ACAN: variants seen among roughly 807,000 people sequenced by gnomAD.
ACAN encodes the protein aggrecan, also known as aggrecan core protein.
ACAN carries 47 observed loss-of-function variants against 169.1 expected under a neutral mutation model. The observed-to-expected ratio is 0.28, with a 90% CI of 0.22 to 0.35. The LOEUF (loss-of-function observed/expected upper bound fraction) is 0.35. Ranked by LOEUF, ACAN falls within the 10% of genes least tolerant of loss-of-function variation. The pLI, the probability that ACAN is intolerant of heterozygous loss-of-function variation, is 1.00. For synonymous variants in ACAN, 1,115 were observed against 1,112.2 expected (o/e 1.00, Z -0.05); for missense variants, 2,716 against 2,759.9 (o/e 0.98, Z 0.36).
At position 88,841,728 on chromosome 15, in the gene ACAN, G is replaced by A. The variant is rs760527297; in HGVS notation, c.630-12G>A. On this transcript the variant is annotated splice_polypyrimidine_tract_variant and intron_variant, in intron 4 of 18. Coordinates refer to ENST00000560601, the MANE Select transcript of ACAN (RefSeq NM_001369268.1). ...CCCTGAGTGTCACACCTCCATTTCG[G>A]GTTCCTGGCAGATACCCCATCCACA... The A allele has an allele frequency of 3.3e-5, 53 of 1,613,630 alleles. 1 individual carries two copies. The South Asian group carries it at 5.6e-4, about 17-fold the overall frequency.
intron 1 of ACAN, among the ~76,000 whole-genome samples, chr15:88,806,183 A>T (rs1895677586): frequency 6.6e-6 from 1 of 152,218 alleles, no homozygotes; most frequent in Non-Finnish European, 1.5e-5. Flanking sequence ...AGATTAAAAG[A>T]CATAAAGTGG....
chr15:88,817,298 C>T (rs1436177154), intron 1 of ACAN, among the ~76,000 whole-genome samples: 5 of 152,022 alleles, frequency 3.3e-5, no homozygotes, highest in South Asian at 2.1e-4. Flanking sequence ...TGTGCCACCA[C>T]GCCCGACTAA....
chr15:88,828,698 C>T (rs1567170396), intron 1 of ACAN, among the ~76,000 whole-genome samples: 1 of 152,152 alleles, frequency 6.6e-6, no homozygotes, highest in Non-Finnish European at 1.5e-5. Flanking sequence ...CTTCTGTTCC[C>T]AGAAGTTAAA....
At chr15:88,840,609 GCAGTC>G (rs1286094448) in intron 4 of ACAN, among the ~76,000 whole-genome samples, 1 of 152,110 alleles carries the variant, frequency 6.6e-6, no homozygotes, top group Admixed American at 6.5e-5. Context: ...GAGGTGCAGA[GCAGTC>G]CAGATAGACC....
At chr15:88,837,109 C>T (rs1896523838) in intron 2 of ACAN, among the ~76,000 whole-genome samples, 1 of 152,342 alleles carries the variant, frequency 6.6e-6, no homozygotes, top group African/African-American at 2.4e-5. Context: ...GTCCATCCTC[C>T]TACGGGGACA....
rs538466091 is a variant in ACAN, at chr15:88,872,392, C to G, written c.7302+307C>G. On this transcript the variant is annotated intron_variant, in intron 16 of 18. Transcript: ENST00000560601. The surrounding 1 kb of genome is among the most constrained non-coding windows in gnomAD (Gnocchi z 5.4). Reference sequence around the variant, plus strand: ...TGCCCACACTGAACTCGAGTCTACTCAAGGAGACAGACAGAAAGCAACATA... The same window carrying G: ...TGCCCACACTGAACTCGAGTCTACTGAAGGAGACAGACAGAAAGCAACATA... Among the ~76,000 whole-genome samples the G allele has an allele frequency of 6.6e-6, 1 of 152,276 alleles. No homozygotes were observed. Among genetic ancestry groups the G allele is most frequent in the South Asian group, 2.1e-4 (1 of 4,828 alleles).
intron 1 of ACAN, among the ~76,000 whole-genome samples, chr15:88,810,287 G>A (rs1260433428): frequency 1.3e-5 from 2 of 152,030 alleles, no homozygotes; most frequent in East Asian, 1.9e-4. Flanking sequence ...GTTACCCATT[G>A]TCCACCCTTG....
intron 11 of ACAN, among the ~76,000 whole-genome samples, chr15:88,852,825 A>G (rs988664012): frequency 6.6e-6 from 1 of 152,198 alleles, no homozygotes; most frequent in South Asian, 2.1e-4. Context: ...ATTTAAAACA[A>G]TGTACAGTAG....
At chr15:88,818,080 A>T (rs1895987127) in intron 1 of ACAN, among the ~76,000 whole-genome samples, 2 of 152,184 alleles carry the variant, frequency 1.3e-5, no homozygotes, top group Non-Finnish European at 2.9e-5. Flanking sequence ...TTTCCAAGTA[A>T]GTAAACAGTT....
chr15:88,867,987 C>T (rs1243038668), intron 13 of ACAN, among the ~76,000 whole-genome samples: 1 of 152,210 alleles, frequency 6.6e-6, no homozygotes, highest in Admixed American at 6.5e-5. Context: ...TCCAAGTTTA[C>T]CAATCAAGAA....
chr15:88,840,211 G>A, intron 4 of ACAN, 25 bp downstream of exon 4: 7 of 1,560,444 alleles, frequency 4.5e-6, no homozygotes, highest in Non-Finnish European at 6.1e-6. Context: ...ATCAGCTAGT[G>A]GGGGCCAGGA....
At chr15:88,824,565 G>A (rs1896161653) in intron 1 of ACAN, among the ~76,000 whole-genome samples, 1 of 152,070 alleles carries the variant, frequency 6.6e-6, no homozygotes, top group Admixed American at 6.5e-5. Context: ...AAACAAAAAA[G>A]GACAATAATT....
intron 1 of ACAN, among the ~76,000 whole-genome samples, chr15:88,830,147 A>G (rs16942273): frequency 0.62 from 94,333 of 151,798 alleles, 29,652 homozygotes; most frequent in Middle Eastern, 0.73. Context: ...ATGGAGATGA[A>G]CATTTCCTGA....
Position 88,851,966 on chromosome 15 carries a change from C to T in ACAN, c.2199C>T (p.Thr733=), listed in dbSNP as rs1262320563. 6.2e-7 allele frequency: 1 copy of T among 1,612,300 alleles called. No homozygotes were observed. The highest frequency in any genetic ancestry group is 8.5e-7 in the Non-Finnish European group (1 of 1,179,234). The change falls in exon 11 of 19, where the codon ACC becomes ACT. Residue 733 remains threonine (T), a synonymous_variant. Coordinates refer to ENST00000560601, the MANE Select transcript of ACAN (RefSeq NM_001369268.1). The surrounding 1 kb of genome is among the most constrained non-coding windows in gnomAD (Gnocchi z 4.3). ...SGETTAILEF[T]TEPENQTEWE... ...AGACTACTGCCATCCTAGAGTTCAC[C>T]ACCGAGCCAGAAAACCAGACAGAAT...
rs974461617 is a variant in ACAN at position 88,854,961 on chromosome 15, G to C, written c.2376G>C (p.Val792=). The change falls in exon 12 of 19, where the codon GTG becomes GTC. Residue 792 remains valine, a synonymous_variant. Transcript: ENST00000560601. ...CAGAGGAACCATCCCCCTCAGAGGT[G>C]CCATTCCCCTCAGAGGAGCCATCCC... The part of the protein sequence containing the change: ...SASEEPSPSE[V]PFPSEEPSPS... The C allele has an allele frequency of 6.3e-7, 1 of 1,599,190 alleles. No homozygotes were observed. The highest frequency in any genetic ancestry group is 8.5e-7 in the Non-Finnish European group (1 of 1,173,398).
At chr15:88,848,537 G>A (rs756498143) in intron 9 of ACAN, among the ~76,000 whole-genome samples, 2 of 152,150 alleles carry the variant, frequency 1.3e-5, no homozygotes, top group Non-Finnish European at 2.9e-5. Context: ...GACCAGCCTG[G>A]GCAACATGGC....
In ACAN at chr15:88,851,344, C is replaced by T. The variant is rs1896925464; in HGVS notation, c.2027-450C>T. On this transcript the variant is annotated intron_variant, in intron 10 of 18. Transcript: ENST00000560601. The surrounding 1 kb of genome is among the most constrained non-coding windows in gnomAD (Gnocchi z 4.3). ...ATAATCCCTGTCCCCCAAGGTTGTT[C>T]AGTAGTTGAGAGCGTGGAGTCTGGT... 6.4e-6 allele frequency: 1 copy of T among 157,474 alleles called. No individual in the cohort carries two copies. The highest frequency in any genetic ancestry group is 2.0e-4 in the South Asian group (1 of 5,080). The allele number at this position is 157,474 out of a possible 1,614,324, so 9.8% of individuals were successfully genotyped here. A position where few individuals can be genotyped will look rare whatever the true frequency, so the allele number is the denominator to read the frequency against.
At position 88,871,690 on chromosome 15, in the gene ACAN, C is replaced by G. The variant is rs569126070; in HGVS notation, c.7219+150C>G. The G allele has an allele frequency of 1.7e-6, 2 of 1,201,798 alleles. No homozygotes were observed. The highest frequency in any genetic ancestry group is 2.6e-5 in the Admixed American group (1 of 38,636). The allele number at this position is 1,201,798 out of a possible 1,614,324, so 74.4% of individuals were successfully genotyped here. A position where few individuals can be genotyped will look rare whatever the true frequency, so the allele number is the denominator to read the frequency against. On this transcript the variant is annotated intron_variant, in intron 15 of 18. Coordinates refer to ENST00000560601, the MANE Select transcript of ACAN (RefSeq NM_001369268.1). The surrounding 1 kb of genome is among the most constrained non-coding windows in gnomAD (Gnocchi z 7.8). Reference sequence around the variant, plus strand: ...AACAGTGTTCCCACAGTCTGAGCTCCCAGAGAGAAGACAACGGTCTTTGGG... The same window carrying G: ...AACAGTGTTCCCACAGTCTGAGCTCGCAGAGAGAAGACAACGGTCTTTGGG...
intron 9 of ACAN, among the ~76,000 whole-genome samples, chr15:88,848,570 A>G (rs941645550): frequency 6.6e-6 from 1 of 152,250 alleles, no homozygotes; most frequent in African/African-American, 2.4e-5. Context: ...CTACTTATTT[A>G]AAAAGAAAGA....
Sources: gnomAD v4.1 joint callset for allele counts (sites outside exome capture counted in the v4.1 genomes callset) on GRCh38, gnomAD v4.1.1 for gene constraint, Gnocchi (gnomAD v3.1) non-coding constraint, MANE v1.5 for transcripts, NCBI Gene and HGNC (gene_info 2026-07-23, HGNC 2026-07-21) for gene names.